PARD3: variants seen among roughly 807,000 people sequenced by gnomAD.
PARD3 encodes partitioning defective 3 homolog.
PARD3 carries 75 observed loss-of-function variants against 155.4 expected under a neutral mutation model. The ratio of observed to expected loss-of-function variants is 0.48; its 90% CI spans 0.40 to 0.58. PARD3 has a LOEUF of 0.58. PARD3 is among the 20% of genes least tolerant of loss of function. The pLI, the probability that PARD3 is intolerant of heterozygous loss-of-function variation, is 0.00. For missense variants in PARD3, 1,642 were observed against 1,721.7 expected (o/e 0.95, Z 0.82); for synonymous variants, 576 against 610.5 (o/e 0.94, Z 0.83).
intron 5 of PARD3, among the ~76,000 whole-genome samples, chr10:34,414,167 C>T (rs1251680090): frequency 1.3e-5 from 2 of 151,716 alleles, no homozygotes; most frequent in African/African-American, 4.8e-5. Flanking sequence ...CGCTGCACTC[C>T]AGCTTGGGTG....
At chr10:34,448,350 G>A (rs916276811) in intron 5 of PARD3, among the ~76,000 whole-genome samples, 1 of 151,516 alleles carries the variant, frequency 6.6e-6, no homozygotes, top group Non-Finnish European at 1.5e-5. Flanking sequence ...ATGAACTCAT[G>A]CTAACAGAGT....
intron 2 of PARD3, among the ~76,000 whole-genome samples, chr10:34,662,338 C>A (rs1216075048): frequency 2.0e-5 from 3 of 152,130 alleles, no homozygotes; most frequent in Non-Finnish European, 4.4e-5. Context: ...CAATAGAAAA[C>A]CATTTGGAGG....
intron 1 of PARD3, among the ~76,000 whole-genome samples, chr10:34,813,748 C>A (rs1226396587): frequency 2.0e-5 from 3 of 152,194 alleles, no homozygotes; most frequent in Non-Finnish European, 2.9e-5. Context: ...GCTGACCAAG[C>A]CACTTTCCAA....
At chr10:34,797,469 T>C (rs1251519108) in intron 1 of PARD3, among the ~76,000 whole-genome samples, 9 of 152,184 alleles carry the variant, frequency 5.9e-5, no homozygotes, top group Admixed American at 5.9e-4. Context: ...AGTCTAAACA[T>C]GTAGAAAAGG....
At chr10:34,766,297 C>T (rs1838076944) in intron 1 of PARD3, among the ~76,000 whole-genome samples, 1 of 152,124 alleles carries the variant, frequency 6.6e-6, no homozygotes, top group Non-Finnish European at 1.5e-5. Flanking sequence ...ACTAGCAGGT[C>T]AGAAGTGGGT....
intron 3 of PARD3, among the ~76,000 whole-genome samples, chr10:34,478,032 T>A (rs1171278936): frequency 6.6e-6 from 1 of 152,240 alleles, no homozygotes; most frequent in Non-Finnish European, 1.5e-5. Context: ...TATTTATCCA[T>A]ACTTCATTTA....
intron 3 of PARD3, among the ~76,000 whole-genome samples, chr10:34,505,932 C>T (rs898639302): frequency 7.9e-5 from 12 of 152,108 alleles, no homozygotes; most frequent in Non-Finnish European, 1.5e-4. Flanking sequence ...TCGAGGCCAG[C>T]CTAGCCAACA....
chr10:34,183,650 A>T (rs1162380569), intron 22 of PARD3, among the ~76,000 whole-genome samples: 2 of 152,222 alleles, frequency 1.3e-5, no homozygotes, highest in East Asian at 3.9e-4. Flanking sequence ...TAAAAGTCTA[A>T]GGTGGGAGGG....
chr10:34,496,942 G>T (rs543599320), intron 3 of PARD3, among the ~76,000 whole-genome samples: 12 of 152,174 alleles, frequency 7.9e-5, no homozygotes, highest in Admixed American at 2.6e-4. Context: ...CAGAAGAAGT[G>T]ACATGAGGTC....
chr10:34,350,150 G>A (rs1214816972), intron 14 of PARD3, among the ~76,000 whole-genome samples: 1 of 152,120 alleles, frequency 6.6e-6, no homozygotes, highest in Non-Finnish European at 1.5e-5. Flanking sequence ...AACTGATTGG[G>A]GTTACAGTTT....
intron 7 of PARD3, among the ~76,000 whole-genome samples, 157 bp from the exon 8 acceptor site, chr10:34,384,411 A>T (rs1272426570): frequency 6.6e-6 from 1 of 152,208 alleles, no homozygotes; most frequent in African/African-American, 2.4e-5. Context: ...GACAAAAACC[A>T]CAACGTTAAA....
intron 1 of PARD3, among the ~76,000 whole-genome samples, chr10:34,734,069 T>G (rs1000228094): frequency 2.5e-4 from 38 of 152,006 alleles, no homozygotes; most frequent in African/African-American, 8.7e-4. Flanking sequence ...GTGTAAAAAG[T>G]AACCATATGG....
intron 2 of PARD3, among the ~76,000 whole-genome samples, chr10:34,650,992 C>G (rs927190264): frequency 4.2e-5 from 4 of 95,332 alleles, no homozygotes; most frequent in African/African-American, 1.2e-4. Context: ...GACTGGGCAA[C>G]AAGAACGAAA....
At chr10:34,222,382 T>G (rs1952348192) in intron 22 of PARD3, among the ~76,000 whole-genome samples, 1 of 152,190 alleles carries the variant, frequency 6.6e-6, no homozygotes, top group Non-Finnish European at 1.5e-5. Flanking sequence ...GACTTTCCCC[T>G]TGCCCTGCAG....
chr10:34,149,714 C>T (rs1401397769), intron 22 of PARD3, among the ~76,000 whole-genome samples: 1 of 152,104 alleles, frequency 6.6e-6, no homozygotes, highest in East Asian at 1.9e-4. Context: ...TATTCTGTTT[C>T]ACAATTTATC....
chr10:34,560,514 TA>T (rs1564844021), intron 2 of PARD3, among the ~76,000 whole-genome samples: 1 of 152,232 alleles, frequency 6.6e-6, no homozygotes, highest in Non-Finnish European at 1.5e-5. Flanking sequence ...AACAATCTAC[TA>T]AGTGAAAACA....
chr10:34,517,942 G>T (rs545887216), intron 2 of PARD3, among the ~76,000 whole-genome samples: 2 of 152,148 alleles, frequency 1.3e-5, no homozygotes, highest in Non-Finnish European at 2.9e-5. Context: ...GCAATGGCAC[G>T]ATTTCGGCTC....
chr10:34,369,249 C>G (rs1486957071), intron 12 of PARD3, among the ~76,000 whole-genome samples: 2 of 151,932 alleles, frequency 1.3e-5, no homozygotes, highest in African/African-American at 4.8e-5. Flanking sequence ...TGAATGTGGC[C>G]CAACACAAAT....
At chr10:34,208,684 C>T (rs950211474) in intron 22 of PARD3, among the ~76,000 whole-genome samples, 9 of 152,132 alleles carry the variant, frequency 5.9e-5, no homozygotes, top group South Asian at 2.1e-4. Flanking sequence ...GCAGGGTGAG[C>T]GTTCAGGAAA....
Sources: gnomAD v4.1 joint callset for allele counts (sites outside exome capture counted in the v4.1 genomes callset) on GRCh38, gnomAD v4.1.1 for gene constraint, MANE v1.5 for transcripts, NCBI Gene and HGNC (gene_info 2026-07-23, HGNC 2026-07-21) for gene names.